FSHR: variants seen among roughly 807,000 people sequenced by gnomAD.
FSHR encodes follicle-stimulating hormone receptor.
FSHR carries 46 observed loss-of-function variants against 52.1 expected under a neutral mutation model. That is an observed-to-expected ratio of 0.88 (90% CI 0.70 to 1.13). The LOEUF is 1.13. FSHR is among the 50% of genes most tolerant of loss of function. The pLI is 0.00. For synonymous variants in FSHR, 399 were observed against 309.6 expected (o/e 1.29, Z -3.03); for missense variants, 964 against 834.6 (o/e 1.16, Z -1.91).
chr2:48,982,438 A>T (rs537716105), intron 8 of FSHR, among the ~76,000 whole-genome samples: 41 of 152,300 alleles, frequency 2.7e-4, no homozygotes, highest in African/African-American at 9.6e-4. Flanking sequence ...AGTGTTGAGG[A>T]TGATGGAGAA....
chr2:49,031,169 T>C (rs900596535), intron 2 of FSHR, among the ~76,000 whole-genome samples: 1 of 152,142 alleles, frequency 6.6e-6, no homozygotes, highest in African/African-American at 2.4e-5. Flanking sequence ...ATGGCTCCTA[T>C]TGAGGATGGA....
chr2:49,129,285 C>T (rs572076803), intron 1 of FSHR, among the ~76,000 whole-genome samples: 1 of 152,230 alleles, frequency 6.6e-6, no homozygotes, highest in South Asian at 2.1e-4. Context: ...CCCTTGCCTC[C>T]CTGCCCTCAC....
chr2:48,970,618 G>A (rs1431889466), intron 8 of FSHR, among the ~76,000 whole-genome samples: 1 of 152,010 alleles, frequency 6.6e-6, no homozygotes, highest in Non-Finnish European at 1.5e-5. Context: ...CATTCCCTTA[G>A]TTTCAGATAC....
At position 48,966,635 on chromosome 2, in the gene FSHR, C is replaced by T. The variant is rs533994251; in HGVS notation, c.854+2063G>A. 2.0e-5 allele frequency among the ~76,000 whole-genome samples: 3 copies of T among 152,278 alleles called. No homozygotes were observed. The South Asian group carries it at 6.2e-4, about 32-fold the overall frequency. ...AAACTTGAATCCCGCTACCAAACCA[C>T]ATCTACTATGATATACAATGAAATG... On this transcript the variant is annotated intron_variant, in intron 9 of 9. Coordinates refer to ENST00000406846, the MANE Select transcript of FSHR (RefSeq NM_000145.4).
intron 1 of FSHR, among the ~76,000 whole-genome samples, chr2:49,085,130 C>A (rs1277352054): frequency 6.6e-6 from 1 of 151,816 alleles, no homozygotes; most frequent in African/African-American, 2.4e-5. Context: ...AGCAGCACAT[C>A]AAAAAGCTTA....
intron 4 of FSHR, among the ~76,000 whole-genome samples, chr2:49,015,621 G>A (rs985080979): frequency 3.9e-5 from 6 of 152,072 alleles, no homozygotes; most frequent in East Asian, 1.9e-4. Context: ...CTGTTGTCAC[G>A]TATTTCCTCT....
intron 1 of FSHR, among the ~76,000 whole-genome samples, chr2:49,153,682 T>G (rs1031097681): frequency 2.0e-5 from 3 of 152,192 alleles, no homozygotes; most frequent in Non-Finnish European, 2.9e-5. Flanking sequence ...GTGTAAAAGA[T>G]TATCCTGTAT....
chr2:49,073,801 A>G (rs1669843509), intron 1 of FSHR, among the ~76,000 whole-genome samples: 1 of 152,146 alleles, frequency 6.6e-6, no homozygotes, highest in Non-Finnish European at 1.5e-5. Flanking sequence ...CTACAAAGCT[A>G]TAGTAACCAA....
rs776844586 is a variant in FSHR at position 48,990,633 on chromosome 2, T to C, written c.379A>G (p.Ile127Val). Residue 127 changes from isoleucine to valine, a missense_variant, in exon 5 of 10, where the codon ATA (isoleucine) becomes GTA (valine). Ile to Val is a conservative substitution (Grantham distance 29). Coordinates refer to ENST00000406846, the MANE Select transcript of FSHR (RefSeq NM_000145.4). ...AGGTGCTTAATACCTGTGTTGGATA[T>C]TAACCTAGAGAGAAACAAAATGAGA... Reference protein sequence around the residue: ...QNLPNLQYLLISNTGIKHLPD... With the variant: ...QNLPNLQYLLVSNTGIKHLPD... The C allele has an allele frequency of 5.0e-6, 8 of 1,601,464 alleles. No individual in the cohort carries two copies. Among genetic ancestry groups the C allele is most frequent in the Non-Finnish European group, 6.8e-6 (8 of 1,168,614 alleles).
At chr2:49,087,441 C>T (rs933816531) in intron 1 of FSHR, among the ~76,000 whole-genome samples, 1 of 152,120 alleles carries the variant, frequency 6.6e-6, no homozygotes, top group Non-Finnish European at 1.5e-5. Context: ...GACAAATATT[C>T]ACTGTGTTCC....
At chr2:49,085,600 C>G (rs1344931851) in intron 1 of FSHR, among the ~76,000 whole-genome samples, 1 of 152,156 alleles carries the variant, frequency 6.6e-6, no homozygotes, top group Non-Finnish European at 1.5e-5. Context: ...TTGACCCAGC[C>G]ATCCCATTAC....
chr2:49,017,594 C>T (rs1437360536), intron 3 of FSHR, 31 bp from the exon 4 acceptor site: 2 of 1,501,380 alleles, frequency 1.3e-6, no homozygotes, highest in African/African-American at 2.8e-5. Context: ...TGCTAGTGAT[C>T]TTGATGGTAA....
At position 49,080,152 on chromosome 2, in the gene FSHR, C is replaced by G. The variant is rs12478831; in HGVS notation, c.153-11862G>C. On this transcript the variant is annotated intron_variant, in intron 1 of 9. Transcript: ENST00000406846. ...AGAAGTGTAAACAATACTTTGACAC[C>G]TTTATTCACCATTATATTGGTGAAC... Among the ~76,000 whole-genome samples, 4 of 152,116 alleles carry G rather than the reference C, an allele frequency of 2.6e-5. No individual in the cohort carries two copies. In the South Asian group the frequency reaches 8.3e-4, roughly 32 times the overall value.
chr2:49,020,218 T>C (rs187697780), intron 2 of FSHR, 58 bp from the exon 3 acceptor site: 1 of 1,380,830 alleles, frequency 7.2e-7, no homozygotes, highest in African/African-American at 1.4e-5. Flanking sequence ...TGAATATTTT[T>C]AGGGCTCAGC....
chr2:48,970,880 G>A (rs1043459157), intron 8 of FSHR, among the ~76,000 whole-genome samples: 1 of 152,120 alleles, frequency 6.6e-6, no homozygotes, highest in African/African-American at 2.4e-5. Context: ...GGACATCAGT[G>A]TCTTGTTCTC....
In FSHR at chr2:49,080,600, A is replaced by G. The variant is rs181333179; in HGVS notation, c.153-12310T>C. Among the ~76,000 whole-genome samples the G allele has an allele frequency of 3.1e-3, 472 of 152,364 alleles. 3 individuals are homozygous for G. The highest frequency in any genetic ancestry group is 5.0e-3 in the Admixed American group (77 of 15,304). ...AAAAACCAAAAAGTTGATAAGATGTATGTAAACATGAACAGAATGATATTT... is the reference window on the plus strand; with the variant it reads ...AAAAACCAAAAAGTTGATAAGATGTGTGTAAACATGAACAGAATGATATTT... On this transcript the variant is annotated intron_variant, in intron 1 of 9. Coordinates refer to ENST00000406846, the MANE Select transcript of FSHR (RefSeq NM_000145.4).
chr2:48,971,100 G>C (rs1250607360), intron 8 of FSHR, among the ~76,000 whole-genome samples: 1 of 152,112 alleles, frequency 6.6e-6, no homozygotes, highest in Non-Finnish European at 1.5e-5. Context: ...ACTCCCCATT[G>C]CTCTTAGGAT....
intron 8 of FSHR, among the ~76,000 whole-genome samples, chr2:48,980,406 T>A (rs578083141): frequency 2.6e-5 from 4 of 152,232 alleles, no homozygotes; most frequent in Non-Finnish European, 5.9e-5. Flanking sequence ...TCCGATGCTT[T>A]CACAGAGGCT....
intron 1 of FSHR, among the ~76,000 whole-genome samples, chr2:49,142,206 T>A (rs1472708808): frequency 6.6e-6 from 1 of 152,134 alleles, no homozygotes; most frequent in African/African-American, 2.4e-5. Flanking sequence ...TAGTTTCTAG[T>A]GGTGGGGAGG....
Sources: allele counts gnomAD v4.1 joint callset (sites outside exome capture counted in the v4.1 genomes callset), GRCh38; gene constraint gnomAD v4.1.1; transcripts MANE v1.5; gene names NCBI Gene and HGNC (gene_info 2026-07-23, HGNC 2026-07-21).